The following CSRNP3 variants were observed in gnomAD, a reference collection of about 807,000 sequenced individuals.
The protein encoded by CSRNP3 is cysteine/serine-rich nuclear protein 3.
In CSRNP3, 12 loss-of-function variants were observed where a neutral mutation model predicts 48.0. That is an observed-to-expected ratio of 0.25 (90% CI 0.16 to 0.41). The LOEUF (loss-of-function observed/expected upper bound fraction) is 0.41. Among genes scored for constraint, CSRNP3 ranks in the 10% least tolerant of loss-of-function variants. The pLI is 1.00. For missense variants in CSRNP3, 580 were observed against 724.4 expected, an observed-to-expected ratio of 0.80 and a Z score of 2.29; for synonymous variants, 263 against 269.7, an observed-to-expected ratio of 0.98 and a Z score of 0.24.
At chr2:165,557,675 A>G (rs181315850) in intron 3 of CSRNP3, among the ~76,000 whole-genome samples, 376 of 152,312 alleles carry the variant, frequency 2.5e-3, no homozygotes, top group Admixed American at 8.0e-3. Context: ...ATGACATTTT[A>G]GAGGACAAAA....
At chr2:165,584,451 G>A (rs1287672495) in intron 3 of CSRNP3, among the ~76,000 whole-genome samples, 1 of 152,146 alleles carries the variant, frequency 6.6e-6, no homozygotes, top group African/African-American at 2.4e-5. Context: ...CAAAGAGAGG[G>A]CCTTCTAAAT....
chr2:165,475,724 G>A (rs542289167), intron 1 of CSRNP3, among the ~76,000 whole-genome samples: 46 of 152,058 alleles, frequency 3.0e-4, no homozygotes, highest in South Asian at 6.2e-4. Context: ...ATTCTAAGAC[G>A]GTCTCTTCCT....
intron 4 of CSRNP3, among the ~76,000 whole-genome samples, chr2:165,625,469 A>AC (rs1256726266): frequency 1.3e-5 from 2 of 150,588 alleles, no homozygotes. Flanking sequence ...CTAATAAAAA[A>AC]AAAAAAAAGG....
chr2:165,484,055 T>G (rs1684081836), intron 1 of CSRNP3, among the ~76,000 whole-genome samples: 1 of 152,220 alleles, frequency 6.6e-6, no homozygotes, highest in Non-Finnish European at 1.5e-5. Flanking sequence ...TCAAAATGAA[T>G]TATTGTATAC....
At chr2:165,476,616 T>G (rs1045007428) in intron 1 of CSRNP3, among the ~76,000 whole-genome samples, 4 of 152,342 alleles carry the variant, frequency 2.6e-5, no homozygotes, top group African/African-American at 9.6e-5. Flanking sequence ...TACTGTGACT[T>G]TGGCTTATCT....
intron 4 of CSRNP3, among the ~76,000 whole-genome samples, chr2:165,642,754 G>T (rs990084814): frequency 6.6e-6 from 1 of 152,084 alleles, no homozygotes; most frequent in Non-Finnish European, 1.5e-5. Context: ...TAGAGATGGG[G>T]TTTTGCCATG....
At chr2:165,490,107 A>T (rs1264046969) in intron 1 of CSRNP3, among the ~76,000 whole-genome samples, 1 of 150,102 alleles carries the variant, frequency 6.7e-6, no homozygotes, top group Non-Finnish European at 1.5e-5. Context: ...AAGTCTCAGG[A>T]TACAAAATCA....
chr2:165,636,623 T>C (rs1260421494), intron 4 of CSRNP3, among the ~76,000 whole-genome samples: 1 of 152,228 alleles, frequency 6.6e-6, no homozygotes, highest in Non-Finnish European at 1.5e-5. Context: ...TAATCACATA[T>C]ACTTAACATA....
At chr2:165,537,104 C>A (rs1400313530) in intron 3 of CSRNP3, among the ~76,000 whole-genome samples, 1 of 151,652 alleles carries the variant, frequency 6.6e-6, no homozygotes, top group East Asian at 1.9e-4. Flanking sequence ...TTTTTTGCAT[C>A]ATTCTATTGT....
At chr2:165,512,029 T>C (rs767345551) in intron 2 of CSRNP3, among the ~76,000 whole-genome samples, 3 of 152,184 alleles carry the variant, frequency 2.0e-5, no homozygotes, top group Non-Finnish European at 2.9e-5. Flanking sequence ...AGTTAAACTC[T>C]AAATTCAGTA....
intron 1 of CSRNP3, among the ~76,000 whole-genome samples, chr2:165,482,448 A>G (rs1684060728): frequency 1.3e-5 from 2 of 152,006 alleles, no homozygotes; most frequent in South Asian, 4.2e-4. Flanking sequence ...ATTTTTTTGT[A>G]GAGACCAGGT....
intron 4 of CSRNP3, among the ~76,000 whole-genome samples, chr2:165,605,669 G>A (rs1685998358): frequency 1.3e-5 from 2 of 152,058 alleles, no homozygotes. Context: ...GGATGACAAT[G>A]AGAATATGTC....
At position 165,682,522 on chromosome 2, in the gene CSRNP3, G is replaced by A. The variant is rs1017430316; in HGVS notation, c.*2769G>A. ...CAGGCAATGGCCAATAGTCAGTATTGAGTTTTTCTAACCCCAGAATCTGGT... is the reference window on the plus strand; with the variant it reads ...CAGGCAATGGCCAATAGTCAGTATTAAGTTTTTCTAACCCCAGAATCTGGT... On this transcript the variant is annotated 3_prime_UTR_variant, in exon 7 of 7. Transcript: ENST00000651982. 2.0e-5 allele frequency: 3 copies of A among 152,058 alleles called. No homozygotes were observed. Among genetic ancestry groups the A allele is most frequent in the Non-Finnish European group, 2.9e-5 (2 of 67,986 alleles). 9.4% of individuals were successfully genotyped at this position (152,058 alleles called of 1,614,324 possible).
intron 4 of CSRNP3, among the ~76,000 whole-genome samples, chr2:165,635,958 A>G (rs571370620): frequency 6.6e-6 from 1 of 152,226 alleles, no homozygotes; most frequent in Admixed American, 6.5e-5. Context: ...TCCCACCATG[A>G]TGCAGAGCCC....
rs1288136735 is a variant in CSRNP3 at position 165,496,482 on chromosome 2, T to A, written c.-113+1554T>A. 1.2e-4 allele frequency among the ~76,000 whole-genome samples: 19 copies of A among 152,008 alleles called. 1 individual carries two copies. The highest frequency in any genetic ancestry group is 1.2e-3 in the Admixed American group (19 of 15,220). Reference sequence around the variant, plus strand: ...GCAGTTTTTTATTGAGTGAATGAATTATTTTCTGACAAATCTTAAAAGCTG... The same window carrying A: ...GCAGTTTTTTATTGAGTGAATGAATAATTTTCTGACAAATCTTAAAAGCTG... On this transcript the variant is annotated intron_variant, in intron 2 of 6. Transcript: ENST00000651982.
In CSRNP3 at chr2:165,653,972, C is replaced by CAAAAAAAA. The variant is rs71028497; in HGVS notation, c.149-3760_149-3753dup. On this transcript the variant is annotated intron_variant, in intron 4 of 6. Transcript: ENST00000651982. ...GGGCAACAAGAGCGAAGCTCTATCA[C>CAAAAAAAA]AAAAAAAAAAAAAAAAAAAAAAAAA... Among the ~76,000 whole-genome samples the CAAAAAAAA allele has an allele frequency of 6.5e-4, 27 of 41,230 alleles. 4 individuals carry two copies. Among genetic ancestry groups the CAAAAAAAA allele is most frequent in the East Asian group, 4.3e-3 (3 of 698 alleles). The allele number at this position is 41,230 out of a possible 152,430, so 27.0% of individuals were successfully genotyped here.
At chr2:165,651,701 G>A (rs1485022829) in intron 4 of CSRNP3, among the ~76,000 whole-genome samples, 2 of 150,074 alleles carry the variant, frequency 1.3e-5, no homozygotes, top group African/African-American at 2.5e-5. Flanking sequence ...TGTCGCCCAG[G>A]CTGGAGGGCA....
chr2:165,541,579 A>G (rs1028810536), intron 3 of CSRNP3, among the ~76,000 whole-genome samples: 2 of 152,072 alleles, frequency 1.3e-5, no homozygotes, highest in African/African-American at 2.4e-5. Context: ...GGGACAGCCA[A>G]CCCAGGTGAC....
Position 165,679,943 on chromosome 2 carries a change from G to T in CSRNP3, c.*190G>T. The stretch of plus-strand genomic sequence containing the variant: ...CATTGCACAAATACAGTCTCTGTAG[G>T]GATTTTAAAAGATTTCAGACTGTTT... On this transcript the variant is annotated 3_prime_UTR_variant, in exon 7 of 7. Coordinates refer to ENST00000651982, the MANE Select transcript of CSRNP3 (RefSeq NM_001172173.2). 1 of 744,468 alleles carries T rather than the reference G, an allele frequency of 1.3e-6. No homozygotes were observed. The highest frequency in any genetic ancestry group is 2.3e-5 in the South Asian group (1 of 44,068). 46.1% of individuals were successfully genotyped at this position (744,468 alleles called of 1,614,324 possible).
Sources: allele counts gnomAD v4.1 joint callset (sites outside exome capture counted in the v4.1 genomes callset), GRCh38; gene constraint gnomAD v4.1.1; transcripts MANE v1.5; gene names NCBI Gene and HGNC (gene_info 2026-07-23, HGNC 2026-07-21).